The following EVI5 variants were observed in gnomAD, a reference collection of about 807,000 sequenced individuals.
EVI5 encodes ecotropic viral integration site 5 protein homolog.
EVI5 carries 73 observed loss-of-function variants against 112.0 expected under a neutral mutation model. The ratio of observed to expected loss-of-function variants is 0.65; its 90% CI spans 0.54 to 0.79. The LOEUF (loss-of-function observed/expected upper bound fraction) is 0.79. Ranked by LOEUF, EVI5 falls within the 30% of genes least tolerant of loss-of-function variation. The pLI, the probability that EVI5 is intolerant of heterozygous loss-of-function variation, is 0.00. For synonymous variants in EVI5, 305 were observed against 319.9 expected (o/e 0.95, Z 0.50); for missense variants, 900 against 968.8 (o/e 0.93, Z 0.94).
chr1:92,549,740 A>G (rs1448066705), intron 19 of EVI5, among the ~76,000 whole-genome samples: 1 of 152,252 alleles, frequency 6.6e-6, no homozygotes, highest in Non-Finnish European at 1.5e-5. Flanking sequence ...CAACAGACAC[A>G]TGAAAAAATG....
rs72970638 is a variant in EVI5 at position 92,734,943 on chromosome 1, A to G, written c.149+1455T>C. 2.8e-3 allele frequency among the ~76,000 whole-genome samples: 419 copies of G among 152,324 alleles called. 1 individual carries two copies. Among genetic ancestry groups the G allele is most frequent in the African/African-American group, 9.0e-3 (374 of 41,574 alleles). ...ATTAAAACCAGAGATACTAATACCTAATAAAATGGCTTAAACTAAAAAGAC... is the reference window on the plus strand; with the variant it reads ...ATTAAAACCAGAGATACTAATACCTGATAAAATGGCTTAAACTAAAAAGAC... On this transcript the variant is annotated intron_variant, in intron 2 of 19. Transcript: ENST00000684568.
intron 1 of EVI5, among the ~76,000 whole-genome samples, chr1:92,770,529 G>A (rs1001503426): frequency 1.3e-5 from 2 of 152,256 alleles, no homozygotes; most frequent in African/African-American, 2.4e-5. Context: ...GGTGGCTCAC[G>A]CCTGTAATCC....
intron 2 of EVI5, among the ~76,000 whole-genome samples, chr1:92,735,464 C>T (rs542591091): frequency 1.8e-3 from 278 of 151,712 alleles, no homozygotes; most frequent in Middle Eastern, 6.8e-3. Context: ...GTACAGTTTA[C>T]GCATAGTTGA....
intron 13 of EVI5, among the ~76,000 whole-genome samples, chr1:92,640,699 T>C (rs1160093283): frequency 6.6e-6 from 1 of 152,098 alleles, no homozygotes; most frequent in Non-Finnish European, 1.5e-5. Context: ...GAACCAGAAA[T>C]ACCATTTGAC....
At chr1:92,522,492 CG>C (rs1170454391) in intron 19 of EVI5, among the ~76,000 whole-genome samples, 1 of 151,736 alleles carries the variant, frequency 6.6e-6, no homozygotes, top group Non-Finnish European at 1.5e-5. Flanking sequence ...AAAAATCAGC[CG>C]GGTGTGGTGG....
chr1:92,784,180 A>C (rs965934572), intron 1 of EVI5: 3 of 410,458 alleles, frequency 7.3e-6, no homozygotes, highest in African/African-American at 6.5e-5. Context: ...CCCCAAAGAC[A>C]GACAGACAGA....
chr1:92,637,264 G>A (rs536017680), intron 13 of EVI5, among the ~76,000 whole-genome samples: 4 of 152,084 alleles, frequency 2.6e-5, no homozygotes, highest in East Asian at 1.9e-4. Context: ...TGTAATCCCC[G>A]CTACTAGGGA....
At chr1:92,639,345 A>G (rs1170362348) in intron 13 of EVI5, among the ~76,000 whole-genome samples, 2 of 152,130 alleles carry the variant, frequency 1.3e-5, no homozygotes, top group Non-Finnish European at 2.9e-5. Context: ...TGAAGGAAAT[A>G]GGAGTAATAC....
At chr1:92,754,169 T>C (rs1680580484) in intron 1 of EVI5, among the ~76,000 whole-genome samples, 1 of 152,250 alleles carries the variant, frequency 6.6e-6, no homozygotes, top group Non-Finnish European at 1.5e-5. Context: ...CAATGACTCA[T>C]GATTCAAACA....
intron 2 of EVI5, among the ~76,000 whole-genome samples, chr1:92,705,330 T>C (rs1379865076): frequency 1.3e-5 from 2 of 152,360 alleles, no homozygotes; most frequent in Non-Finnish European, 2.9e-5. Context: ...TTTGCTTATA[T>C]GCATTTATAC....
At chr1:92,754,406 T>C (rs757473423) in intron 1 of EVI5, among the ~76,000 whole-genome samples, 1 of 152,196 alleles carries the variant, frequency 6.6e-6, no homozygotes, top group Non-Finnish European at 1.5e-5. Context: ...CTTTCTCTCA[T>C]CCATTACTAC....
At chr1:92,735,025 G>A (rs1194157043) in intron 2 of EVI5, among the ~76,000 whole-genome samples, 4 of 152,174 alleles carry the variant, frequency 2.6e-5, no homozygotes, top group Admixed American at 1.3e-4. Context: ...ATACACTGCT[G>A]GCGGGATATC....
At chr1:92,520,964 CTT>C (rs375289358) in intron 19 of EVI5, among the ~76,000 whole-genome samples, 44 of 142,188 alleles carry the variant, frequency 3.1e-4, no homozygotes, top group Admixed American at 4.2e-4. Flanking sequence ...GCTGCTTCTT[CTT>C]TTTTTTTTTT....
chr1:92,751,708 C>G (rs1680222314), intron 1 of EVI5, among the ~76,000 whole-genome samples: 1 of 152,164 alleles, frequency 6.6e-6, no homozygotes, highest in African/African-American at 2.4e-5. Flanking sequence ...ACTATAAACT[C>G]TTAGATTACA....
At position 92,515,559 on chromosome 1, in the gene EVI5, CAAG is replaced by C. The variant is rs1659727923; in HGVS notation, c.2167-1592_2167-1590del. ...AAGAGTAAAAAACCAAAACCAAAAA[CAAG>C]AATTAGCTACCAAATATCTACTCTG... On this transcript the variant is annotated intron_variant, in intron 19 of 19. Coordinates refer to ENST00000684568, the MANE Select transcript of EVI5 (RefSeq NM_001350197.2). Among the ~76,000 whole-genome samples, 3 of 152,280 alleles carry C rather than the reference CAAG, an allele frequency of 2.0e-5. No homozygotes were observed. In the South Asian group the frequency reaches 6.2e-4, roughly 32 times the overall value.
intron 19 of EVI5, among the ~76,000 whole-genome samples, chr1:92,554,803 T>TACAAAA (rs566998379): frequency 0.011 from 1,692 of 152,082 alleles, 22 homozygotes; most frequent in Non-Finnish European, 0.018. Context: ...ACCCTGTCTC[T>TACAAAA]ACAAAAACAA....
chr1:92,562,781 G>C (rs1253248870), intron 19 of EVI5, among the ~76,000 whole-genome samples: 1 of 152,120 alleles, frequency 6.6e-6, no homozygotes. Flanking sequence ...TTTAACTGAA[G>C]GGTGTAATAC....
chr1:92,554,044 G>C (rs1323437984), intron 19 of EVI5, among the ~76,000 whole-genome samples: 1 of 152,176 alleles, frequency 6.6e-6, no homozygotes, highest in Non-Finnish European at 1.5e-5. Flanking sequence ...CCTGTTTTCA[G>C]AAAGTCATCA....
At chr1:92,785,456 G>C (rs1202054769), upstream of EVI5, among the ~76,000 whole-genome samples, 1 of 152,236 alleles carries the variant, frequency 6.6e-6, no homozygotes, top group African/African-American at 2.4e-5. Flanking sequence ...CTGGCACGCG[G>C]TGCTGACGCG....
Sources: gnomAD v4.1 joint callset for allele counts (sites outside exome capture counted in the v4.1 genomes callset) on GRCh38, gnomAD v4.1.1 for gene constraint, MANE v1.5 for transcripts, NCBI Gene and HGNC (gene_info 2026-07-23, HGNC 2026-07-21) for gene names.